Variants in NEK6 observed in about 807,000 individuals in gnomAD.
The protein encoded by NEK6 is NIMA related kinase 6.
Under a neutral mutation model 43.5 loss-of-function variants are expected in NEK6, and 27 were observed. That is an observed-to-expected ratio of 0.62 (90% CI 0.46 to 0.86). The LOEUF is 0.86. Among genes scored for constraint, NEK6 ranks in the 40% least tolerant of loss-of-function variants. The pLI is 0.00. For missense variants in NEK6, 318 were observed against 414.4 expected (o/e 0.77, Z 2.02); for synonymous variants, 167 against 164.1 (o/e 1.02, Z -0.14).
chr9:124,315,448 G>T (rs371975706), intron 4 of NEK6, among the ~76,000 whole-genome samples: 2 of 152,216 alleles, frequency 1.3e-5, no homozygotes, highest in African/African-American at 4.8e-5. Flanking sequence ...GGTGGCCCCC[G>T]GCCACAGTGG....
intron 7 of NEK6, among the ~76,000 whole-genome samples, chr9:124,335,799 A>G (rs1443907613): frequency 6.6e-6 from 1 of 152,256 alleles, no homozygotes; most frequent in Non-Finnish European, 1.5e-5. Flanking sequence ...GTAGTTCTTC[A>G]TCCATCTCCA....
intron 1 of NEK6, among the ~76,000 whole-genome samples, chr9:124,269,229 C>T (rs1163616726): frequency 1.3e-5 from 2 of 152,144 alleles, no homozygotes; most frequent in East Asian, 3.8e-4. Context: ...GACCCCACAG[C>T]TAGTGAGTGG....
chr9:124,342,339 G>T (rs1216511892), intron 8 of NEK6, among the ~76,000 whole-genome samples: 1 of 152,218 alleles, frequency 6.6e-6, no homozygotes, highest in Non-Finnish European at 1.5e-5. Flanking sequence ...TTTTGAATTA[G>T]AGCACGTGTC....
At chr9:124,261,633 C>T in intron 1 of NEK6, 3 of 955,438 alleles carry the variant, frequency 3.1e-6, no homozygotes, top group Non-Finnish European at 3.7e-6. Flanking sequence ...CCTTTTTTCC[C>T]TGCTCATTTC....
In NEK6 at chr9:124,281,056, G is replaced by A. The variant is rs190599839; in HGVS notation, c.-29-20880G>A. ...TCCACCCACCTCAGCCTCACAAAGC[G>A]CTTTTGTTTTTCTTGAGAAAGATCA... On this transcript the variant is annotated intron_variant, in intron 1 of 9. Transcript: ENST00000320246. 2.0e-3 allele frequency among the ~76,000 whole-genome samples: 303 copies of A among 152,288 alleles called. 4 individuals carry two copies. The highest frequency in any genetic ancestry group is 3.7e-4 in the Non-Finnish European group (25 of 68,018).
chr9:124,299,257 C>T (rs1334257979), intron 1 of NEK6, among the ~76,000 whole-genome samples: 1 of 152,168 alleles, frequency 6.6e-6, no homozygotes, highest in Non-Finnish European at 1.5e-5. Context: ...AACCTTCTCA[C>T]TGAAGACAGT....
At chr9:124,320,095 C>T (rs996988724) in intron 4 of NEK6, among the ~76,000 whole-genome samples, 12 of 152,262 alleles carry the variant, frequency 7.9e-5, no homozygotes, top group Admixed American at 3.3e-4. Flanking sequence ...CCTGGTTCCT[C>T]GCAGTGGTGT....
rs1833644029 is a variant in NEK6 at position 124,313,410 on chromosome 9, C to CG, written c.232-513_232-512insG. 2.0e-5 allele frequency among the ~76,000 whole-genome samples: 3 copies of CG among 152,172 alleles called. No individual in the cohort carries two copies. The South Asian group carries it at 6.2e-4, about 32-fold the overall frequency. On this transcript the variant is annotated intron_variant, in intron 3 of 9. Transcript: ENST00000320246. ...TTTGAGATAGAGTCTCAGTCTATCA[C>CG]CCAGGCTGTAGTGCAGTGGCGTGAT...
At chr9:124,263,809 G>A (rs1413911579) in intron 1 of NEK6, among the ~76,000 whole-genome samples, 1 of 152,208 alleles carries the variant, frequency 6.6e-6, no homozygotes, top group Non-Finnish European at 1.5e-5. Flanking sequence ...AAGCACCAGG[G>A]TGGCCCTGTG....
At chr9:124,294,165 AGACCAGCCT>A (rs990879389) in intron 1 of NEK6, among the ~76,000 whole-genome samples, 5 of 152,194 alleles carry the variant, frequency 3.3e-5, no homozygotes, top group African/African-American at 1.2e-4. Flanking sequence ...CAGTAGTTCG[AGACCAGCCT>A]GACCAACATG....
chr9:124,283,876 G>A (rs1463031893), intron 1 of NEK6, among the ~76,000 whole-genome samples: 2 of 152,208 alleles, frequency 1.3e-5, no homozygotes, highest in African/African-American at 4.8e-5. Context: ...GCAGAGCAGC[G>A]GGCACCCTGG....
chr9:124,261,274 C>A, intron 1 of NEK6: 1 of 424,282 alleles, frequency 2.4e-6, no homozygotes, highest in Non-Finnish European at 3.2e-6. Context: ...GAAAGGGCTG[C>A]TGTTCACATT....
chr9:124,310,213 A>G lies in NEK6; in HGVS notation c.91-2296A>G, dbSNP rs907704982. On this transcript the variant is annotated intron_variant, in intron 2 of 9. Coordinates refer to ENST00000320246, the MANE Select transcript of NEK6 (RefSeq NM_014397.6). ...GGTCACTGCTACCCCTCCAAGCCTC[A>G]GATTCCTGAAATGGGGACAGCAGTG... Among the ~76,000 whole-genome samples the G allele has an allele frequency of 4.5e-4, 68 of 152,342 alleles. 2 individuals carry two copies. Among genetic ancestry groups the G allele is most frequent in the African/African-American group, 1.6e-3 (65 of 41,594 alleles).
At chr9:124,330,343 C>T (rs1243965300) in intron 7 of NEK6, among the ~76,000 whole-genome samples, 1 of 152,238 alleles carries the variant, frequency 6.6e-6, no homozygotes, top group Non-Finnish European at 1.5e-5. Flanking sequence ...AAAGATTTGC[C>T]TATACACAGC....
Position 124,352,206 on chromosome 9 carries a change from T to A in NEK6, c.*1259T>A, listed in dbSNP as rs529738304. 1 of 152,758 alleles carries A rather than the reference T, an allele frequency of 6.5e-6. No homozygotes were observed. Among genetic ancestry groups the A allele is most frequent in the South Asian group, 2.1e-4 (1 of 4,830 alleles). 9.5% of individuals were successfully genotyped at this position (152,758 alleles called of 1,614,324 possible). On this transcript the variant is annotated 3_prime_UTR_variant, in exon 10 of 10. Coordinates refer to ENST00000320246, the MANE Select transcript of NEK6 (RefSeq NM_014397.6). Reference sequence around the variant, plus strand: ...CTGGCCCTCCAGACAAGAGCAGCGCTGGCATCGGGCAGGTGATTCCTGACA... The same window carrying A: ...CTGGCCCTCCAGACAAGAGCAGCGCAGGCATCGGGCAGGTGATTCCTGACA...
chr9:124,295,502 C>T (rs1832643007), intron 1 of NEK6, among the ~76,000 whole-genome samples: 1 of 152,248 alleles, frequency 6.6e-6, no homozygotes, highest in African/African-American at 2.4e-5. Context: ...CATTTATTCA[C>T]ACCCTCTTCC....
At chr9:124,296,472 G>A (rs1029713594) in intron 1 of NEK6, among the ~76,000 whole-genome samples, 12 of 152,176 alleles carry the variant, frequency 7.9e-5, no homozygotes, top group Admixed American at 5.9e-4. Context: ...CCTTTGCCAC[G>A]TCTACCCTCT....
At chr9:124,306,114 T>C (rs1350398181) in intron 2 of NEK6, among the ~76,000 whole-genome samples, 1 of 152,018 alleles carries the variant, frequency 6.6e-6, no homozygotes, top group Non-Finnish European at 1.5e-5. Flanking sequence ...CTCATGGGGC[T>C]ACAGCACTGG....
chr9:124,319,657 C>T (rs1291892034), intron 4 of NEK6, among the ~76,000 whole-genome samples: 1 of 152,208 alleles, frequency 6.6e-6, no homozygotes, highest in East Asian at 1.9e-4. Flanking sequence ...GGTTCCGTTT[C>T]ATTCTTCTGC....
Sources: gnomAD v4.1 joint callset for allele counts (sites outside exome capture counted in the v4.1 genomes callset) on GRCh38, gnomAD v4.1.1 for gene constraint, MANE v1.5 for transcripts, NCBI Gene and HGNC (gene_info 2026-07-23, HGNC 2026-07-21) for gene names.